Variants in TENM2 observed in about 807,000 individuals in gnomAD.
The protein encoded by TENM2 is teneurin transmembrane protein 2, also known as teneurin-2.
Under a neutral mutation model 245.2 loss-of-function variants are expected in TENM2, and 52 were observed. The ratio of observed to expected loss-of-function variants is 0.21; its 90% CI spans 0.17 to 0.27. TENM2 has a LOEUF of 0.27. Among genes scored for constraint, TENM2 ranks in the 10% least tolerant of loss-of-function variants. The pLI, the probability that TENM2 is intolerant of heterozygous loss-of-function variation, is 1.00. For missense variants in TENM2, 3,046 were observed against 3,666.8 expected (o/e 0.83, Z 4.37); for synonymous variants, 1,363 against 1,438.9 (o/e 0.95, Z 1.19).
chr5:167,858,974 G>T (rs1306475408), intron 2 of TENM2, among the ~76,000 whole-genome samples: 1 of 141,254 alleles, frequency 7.1e-6, no homozygotes, highest in African/African-American at 2.6e-5. Context: ...GCCGCCCATC[G>T]TCTGGGATGT....
chr5:168,212,996 ATC>A (rs1266639335), intron 20 of TENM2, among the ~76,000 whole-genome samples: 1 of 152,200 alleles, frequency 6.6e-6, no homozygotes, highest in Non-Finnish European at 1.5e-5. Flanking sequence ...AAAATTAATT[ATC>A]TCTCTCATAG....
In TENM2 at chr5:167,534,744, G is replaced by A. The variant is rs138952555; in HGVS notation, c.502+159271G>A. On this transcript the variant is annotated intron_variant, in intron 2 of 28. Transcript: ENST00000518659. ...GAATGGAGAGGACAGCTGTGATGGC[G>A]TAGGGATAACACGGTGAGAGCTGAT... is the stretch of plus-strand genomic sequence containing the variant. 7.9e-5 allele frequency among the ~76,000 whole-genome samples: 12 copies of A among 152,276 alleles called. No homozygotes were observed. The East Asian group carries it at 1.2e-3, about 15-fold the overall frequency.
At chr5:167,564,962 C>G (rs1380560306) in intron 2 of TENM2, among the ~76,000 whole-genome samples, 1 of 152,202 alleles carries the variant, frequency 6.6e-6, no homozygotes, top group East Asian at 1.9e-4. Context: ...ACTGTGAATA[C>G]ACGAAGGTAA....
chr5:167,117,251 C>T, the TENM2 span, among the ~76,000 whole-genome samples: 2 of 152,216 alleles, frequency 1.3e-5, no homozygotes, highest in African/African-American at 4.8e-5. Context: ...CGCCTGTAAT[C>T]CCAGCACTTT....
chr5:167,531,283 C>T (rs923841260), intron 2 of TENM2, among the ~76,000 whole-genome samples: 1 of 152,172 alleles, frequency 6.6e-6, no homozygotes. Flanking sequence ...TTTTCAGAAA[C>T]TGCAGTCTAC....
intron 7 of TENM2, among the ~76,000 whole-genome samples, chr5:168,063,732 A>G (rs1055903676): frequency 1.3e-5 from 2 of 152,172 alleles, no homozygotes; most frequent in Non-Finnish European, 2.9e-5. Flanking sequence ...CAGTGCACAC[A>G]TACCTCCCAT....
chr5:168,109,090 G>A (rs3101758), intron 9 of TENM2, among the ~76,000 whole-genome samples: 11,829 of 152,046 alleles, frequency 0.078, 829 homozygotes, highest in East Asian at 0.31. Context: ...ATGCAGACAG[G>A]CCATGGACCA....
the TENM2 span, among the ~76,000 whole-genome samples, chr5:167,222,291 A>C: frequency 5.9e-5 from 9 of 152,226 alleles, no homozygotes; most frequent in African/African-American, 2.2e-4. Flanking sequence ...TTGTGTTTGA[A>C]TACAACCTTA....
At chr5:167,837,067 T>TAC (rs3082486) in intron 2 of TENM2, among the ~76,000 whole-genome samples, 2,851 of 149,498 alleles carry the variant, frequency 0.019, 41 homozygotes, top group East Asian at 0.046. Context: ...TATGCCTAAG[T>TAC]ACACACACAC....
At chr5:167,175,023 A>T in the TENM2 span, among the ~76,000 whole-genome samples, 289 of 152,096 alleles carry the variant, frequency 1.9e-3, no homozygotes, top group African/African-American at 6.4e-3. Context: ...AAAACCGAAC[A>T]TTTATGTATA....
chr5:167,188,568 C>T, the TENM2 span, among the ~76,000 whole-genome samples: 77 of 152,100 alleles, frequency 5.1e-4, no homozygotes, highest in East Asian at 0.014. Flanking sequence ...CTTTTGCAAA[C>T]AGCTCACTTT....
intron 4 of TENM2, 46 bp downstream of exon 6, chr5:167,952,868 C>G: frequency 6.8e-7 from 1 of 1,478,710 alleles, no homozygotes; most frequent in East Asian, 2.5e-5. Flanking sequence ...TGTCACCTTA[C>G]CCCTGAGTCA....
intron 3 of TENM2, among the ~76,000 whole-genome samples, chr5:167,885,911 G>C (rs958002135): frequency 5.3e-5 from 8 of 152,142 alleles, no homozygotes; most frequent in African/African-American, 1.4e-4. Flanking sequence ...TCAAACTCCT[G>C]ACCTCAGGTG....
intron 1 of TENM2, among the ~76,000 whole-genome samples, chr5:167,339,214 C>T (rs1481680453): frequency 6.6e-6 from 1 of 152,182 alleles, no homozygotes. Context: ...TAGAAAAATT[C>T]TCTCCTGCTG....
Position 167,912,447 on chromosome 5 carries a change from C to T in TENM2, c.712+36252C>T, listed in dbSNP as rs146193712. On this transcript the variant is annotated intron_variant, in intron 3 of 28. Coordinates refer to ENST00000518659, the Ensembl canonical transcript of TENM2. ...GAGTTCTTTGGGAGCAGAGGCCAGG[C>T]TTTCCCAGTTCATTGTTGTTCTCCA... Among the ~76,000 whole-genome samples the T allele has an allele frequency of 3.9e-3, 600 of 152,330 alleles. 4 individuals are homozygous for T. Among genetic ancestry groups the T allele is most frequent in the African/African-American group, 0.013 (548 of 41,570 alleles).
chr5:167,276,416 A>C, the TENM2 span, among the ~76,000 whole-genome samples: 1 of 150,102 alleles, frequency 6.7e-6, no homozygotes, highest in Admixed American at 6.7e-5. Flanking sequence ...GAGTTGTGAC[A>C]TTATAAATTC....
At position 167,726,258 on chromosome 5, in the gene TENM2, A is replaced by AG. The variant is rs1759997405; in HGVS notation, c.503-149728_503-149727insG. On this transcript the variant is annotated intron_variant, in intron 2 of 28. Transcript: ENST00000518659. ...AAGTTTAGCTTCATGATCTATGGTC[A>AG]AAAACATCCAGTTTGGTCCTACCTG... is the stretch of plus-strand genomic sequence containing the variant. Among the ~76,000 whole-genome samples the AG allele has an allele frequency of 9.6e-5, 9 of 93,572 alleles. No homozygotes were observed. The South Asian group carries it at 2.8e-3, about 29-fold the overall frequency. 61.4% of individuals were successfully genotyped at this position (93,572 alleles called of 152,430 possible).
intron 4 of TENM2, among the ~76,000 whole-genome samples, chr5:167,969,313 G>C (rs1381543795): frequency 6.6e-6 from 1 of 151,778 alleles, no homozygotes; most frequent in Non-Finnish European, 1.5e-5. Flanking sequence ...AGATCTGATG[G>C]TTTTATAAGG....
chr5:167,299,844 A>C (rs776688858), intron 1 of TENM2, among the ~76,000 whole-genome samples: 1 of 152,126 alleles, frequency 6.6e-6, no homozygotes, highest in African/African-American at 2.4e-5. Flanking sequence ...TAATTATGGG[A>C]GACTCAACAA....
Sources: allele counts gnomAD v4.1 joint callset (sites outside exome capture counted in the v4.1 genomes callset), GRCh38; gene constraint gnomAD v4.1.1; transcripts MANE v1.5; gene names NCBI Gene and HGNC (gene_info 2026-07-23, HGNC 2026-07-21).